The following PLXNA4 variants were observed in gnomAD, a reference collection of about 807,000 sequenced individuals.
The protein encoded by PLXNA4 is plexin-A4.
In PLXNA4, 44 loss-of-function variants were observed where a neutral mutation model predicts 191.8. The ratio of observed to expected loss-of-function variants is 0.23; its 90% CI spans 0.18 to 0.29. PLXNA4 has a LOEUF of 0.29. Among genes scored for constraint, PLXNA4 ranks in the 10% least tolerant of loss-of-function variants. The probability of loss-of-function intolerance (pLI) is 1.00; values close to 1 mark genes in which losing one functional copy is unlikely to be tolerated. For synonymous variants in PLXNA4, 1,082 were observed against 1,009.5 expected (o/e 1.07, Z -1.36); for missense variants, 1,800 against 2,488.8 (o/e 0.72, Z 5.89).
At position 132,132,381 on chromosome 7, in the gene PLXNA4, TGTTCTGTTCTGTTC is replaced by T. The variant is rs1563047769; in HGVS notation, c.5589+654_5589+667del. Among the ~76,000 whole-genome samples, 45 of 42,602 alleles carry T rather than the reference TGTTCTGTTCTGTTC, an allele frequency of 1.1e-3. 1 individual carries two copies. Among genetic ancestry groups the T allele is most frequent in the Non-Finnish European group, 8.6e-4 (18 of 20,866 alleles). 27.9% of individuals were successfully genotyped at this position (42,602 alleles called of 152,430 possible). Reference sequence around the variant, plus strand: ...AACAAAACAGAAAACACATTCTATTTGTTCTGTTCTGTTCTGTTCTGTTCTGTTCTGTTCTGTTC... The same window carrying T: ...AACAAAACAGAAAACACATTCTATTTTGTTCTGTTCTGTTCTGTTCTGTTC... On this transcript the variant is annotated intron_variant, in intron 31 of 31. Transcript: ENST00000321063.
chr7:132,573,869 A>C (rs1802097614), intron 1 of PLXNA4, among the ~76,000 whole-genome samples: 1 of 152,132 alleles, frequency 6.6e-6, no homozygotes, highest in African/African-American at 2.4e-5. Context: ...TGCTGAAAAG[A>C]AGCATTCATG....
intron 20 of PLXNA4, among the ~76,000 whole-genome samples, chr7:132,179,335 A>ACACC (rs1796619719): frequency 6.6e-6 from 1 of 150,732 alleles, no homozygotes; most frequent in African/African-American, 2.4e-5. Flanking sequence ...ACGCACACAC[A>ACACC]GAGCCTCCAG....
intron 3 of PLXNA4, among the ~76,000 whole-genome samples, chr7:132,459,387 T>A (rs773392789): frequency 1.5e-4 from 23 of 152,290 alleles, no homozygotes; most frequent in Non-Finnish European, 3.1e-4. Flanking sequence ...GCCTTCTTGA[T>A]CATAATCTGT....
chr7:132,574,173 A>G (rs1188207695), intron 1 of PLXNA4, among the ~76,000 whole-genome samples: 1 of 152,244 alleles, frequency 6.6e-6, no homozygotes. Context: ...TTGCATTAAA[A>G]TGATGGATCC....
intron 3 of PLXNA4, among the ~76,000 whole-genome samples, chr7:132,366,711 T>C (rs1804201793): frequency 6.6e-6 from 1 of 152,212 alleles, no homozygotes; most frequent in African/African-American, 2.4e-5. Context: ...GAAAGAATAA[T>C]TGACATCTGC....
At chr7:132,473,359 C>T (rs1797001600) in intron 3 of PLXNA4, among the ~76,000 whole-genome samples, 1 of 152,176 alleles carries the variant, frequency 6.6e-6, no homozygotes, top group South Asian at 2.1e-4. Flanking sequence ...AAAGAGGCCT[C>T]AGCGGCTCCC....
At chr7:132,147,507 C>T (rs79398173) in intron 27 of PLXNA4, among the ~76,000 whole-genome samples, 5,913 of 152,278 alleles carry the variant, frequency 0.039, 220 homozygotes, top group East Asian at 0.24. Context: ...CTGCACTCCA[C>T]TGCAAAATAA....
intron 4 of PLXNA4, among the ~76,000 whole-genome samples, chr7:132,244,571 C>T (rs1005469754): frequency 1.3e-5 from 2 of 152,190 alleles, no homozygotes. Context: ...CAACAGGATT[C>T]TGACAGTCCA....
intron 1 of PLXNA4, among the ~76,000 whole-genome samples, chr7:132,542,449 A>G (rs879867509): frequency 2.6e-5 from 4 of 152,168 alleles, no homozygotes; most frequent in Admixed American, 6.5e-5. Flanking sequence ...TGTGTCTTCA[A>G]TTTTCTATGT....
intron 4 of PLXNA4, among the ~76,000 whole-genome samples, chr7:132,290,718 GAGAC>G (rs1037357796): frequency 2.0e-5 from 3 of 152,096 alleles, no homozygotes; most frequent in South Asian, 2.1e-4. Flanking sequence ...AGAAAGAAAA[GAGAC>G]AGAGAGAAAC....
intron 3 of PLXNA4, among the ~76,000 whole-genome samples, chr7:132,313,512 A>T (rs1801826994): frequency 6.6e-6 from 1 of 152,182 alleles, no homozygotes; most frequent in African/African-American, 2.4e-5. Flanking sequence ...AATGAAGGAC[A>T]AACTCTGGAT....
Position 132,313,969 on chromosome 7 carries a change from C to T in PLXNA4, c.1372-15747G>A, listed in dbSNP as rs551604529. On this transcript the variant is annotated intron_variant, in intron 3 of 31. Coordinates refer to ENST00000321063, the MANE Select transcript of PLXNA4 (RefSeq NM_020911.2). Reference sequence around the variant, plus strand: ...TACTTCCCTTCACGTTGCCCCCAGACACTACAGAGGGCTCACTAAGTTGAG... The same window carrying T: ...TACTTCCCTTCACGTTGCCCCCAGATACTACAGAGGGCTCACTAAGTTGAG... Among the ~76,000 whole-genome samples, 113 of 152,282 alleles carry T rather than the reference C, an allele frequency of 7.4e-4. 1 individual carries two copies. The highest frequency in any genetic ancestry group is 2.5e-3 in the African/African-American group (105 of 41,548).
intron 14 of PLXNA4, among the ~76,000 whole-genome samples, chr7:132,192,761 G>A (rs530529982): frequency 5.9e-5 from 9 of 152,202 alleles, no homozygotes; most frequent in South Asian, 2.1e-4. Context: ...GGGTGTGTGC[G>A]GCAGGGAATG....
At chr7:132,475,977 C>A (rs1053386782) in intron 3 of PLXNA4, among the ~76,000 whole-genome samples, 2 of 152,146 alleles carry the variant, frequency 1.3e-5, no homozygotes, top group African/African-American at 4.8e-5. Flanking sequence ...GAGGTGGATG[C>A]AAGGCAGAGC....
intron 1 of PLXNA4, among the ~76,000 whole-genome samples, chr7:132,563,810 TC>T (rs1801530014): frequency 1.2e-5 from 1 of 80,718 alleles, no homozygotes; most frequent in Non-Finnish European, 2.6e-5. Flanking sequence ...CTCCTTCTCC[TC>T]CTCCTTCTCC....
chr7:132,573,460 G>A (rs1470406293), intron 1 of PLXNA4, among the ~76,000 whole-genome samples: 1 of 152,164 alleles, frequency 6.6e-6, no homozygotes, highest in Admixed American at 6.5e-5. Context: ...TGAATCAAGA[G>A]TGGTTAATGA....
At chr7:132,369,291 C>T (rs568813330) in intron 3 of PLXNA4, among the ~76,000 whole-genome samples, 3 of 152,348 alleles carry the variant, frequency 2.0e-5, no homozygotes, top group East Asian at 1.9e-4. Flanking sequence ...CCTGCTAAGA[C>T]GTATCACCAG....
chr7:132,474,467 A>G (rs73724021), intron 3 of PLXNA4, among the ~76,000 whole-genome samples: 4,599 of 152,196 alleles, frequency 0.03, 149 homozygotes, highest in African/African-American at 0.08. Flanking sequence ...TGCCCCGCCC[A>G]TCCTGCTTTC....
At chr7:132,327,211 A>G (rs560803378) in intron 3 of PLXNA4, among the ~76,000 whole-genome samples, 1 of 151,760 alleles carries the variant, frequency 6.6e-6, no homozygotes, top group East Asian at 1.9e-4. Flanking sequence ...GAAGGTGGGC[A>G]GCTTTGCAAC....
Sources: allele counts gnomAD v4.1 joint callset (sites outside exome capture counted in the v4.1 genomes callset), GRCh38; gene constraint gnomAD v4.1.1; transcripts MANE v1.5; gene names NCBI Gene and HGNC (gene_info 2026-07-23, HGNC 2026-07-21).